TSTD2: variants seen among roughly 807,000 people sequenced by gnomAD.
TSTD2 encodes thiosulfate sulfurtransferase like domain containing 2.
In TSTD2, 37 loss-of-function variants were observed where a neutral mutation model predicts 47.9. The ratio of observed to expected loss-of-function variants is 0.77; its 90% CI spans 0.59 to 1.02. The LOEUF (loss-of-function observed/expected upper bound fraction) is 1.02. TSTD2 is among the 50% of genes least tolerant of loss of function. TSTD2 has a pLI of 0.00. For missense variants in TSTD2, 586 were observed against 616.0 expected (o/e 0.95, Z 0.52); for synonymous variants, 201 against 215.9 (o/e 0.93, Z 0.61).
rs80050726 is a variant in TSTD2, at chr9:97,628,859, G to A, written c.-50-1247C>T. Among the ~76,000 whole-genome samples the A allele has an allele frequency of 3.5e-4, 53 of 152,276 alleles. 1 individual carries two copies. In the East Asian group the frequency reaches 9.8e-3, roughly 28 times the overall value. On this transcript the variant is annotated intron_variant, in intron 1 of 9. Transcript: ENST00000341170. ...TGCAGAGACCACACACAGAGAACCAGGTGGAGAGGAACAGAGGCCTCCAGC... is the reference window on the plus strand; with the variant it reads ...TGCAGAGACCACACACAGAGAACCAAGTGGAGAGGAACAGAGGCCTCCAGC...
Position 97,626,007 on chromosome 9 carries a change from G to T in TSTD2, c.166-10C>A. ...CAAAAAGGGCAAAGGCCTGCAATTA[G>T]ATTTCAAATGCTAACACTGTTAAAT... On this transcript the variant is annotated splice_polypyrimidine_tract_variant and intron_variant, in intron 2 of 9. Coordinates refer to ENST00000341170, the MANE Select transcript of TSTD2 (RefSeq NM_139246.5). The T allele has an allele frequency of 6.2e-7, 1 of 1,600,592 alleles. No individual in the cohort carries two copies. The highest frequency in any genetic ancestry group is 1.1e-5 in the South Asian group (1 of 89,014).
rs10817858 is a variant in TSTD2 at position 97,625,837 on chromosome 9, G to T, written c.326C>A (p.Ala109Asp). 0.2 allele frequency: 329,065 copies of T among 1,613,954 alleles called. 36,185 individuals are homozygous for T. The highest frequency in any genetic ancestry group is 0.37 in the South Asian group (34,136 of 91,078). ...CACAGCCAGTTGCTTTAAAATAGAA[G>T]CTGTCTGGTGATAAATTTCATCAGC... ...QHADEIYHQT[A>D]SILKQLAVTL... Residue 109 changes from alanine (A) to aspartate (D), a missense_variant, in exon 3 of 10, where the codon GCT (alanine) becomes GAT (aspartate). Physicochemically the swap from Ala to Asp is moderately radical, Grantham distance 126. Transcript: ENST00000341170.
chr9:97,620,859 A>G (rs532658048), intron 3 of TSTD2, among the ~76,000 whole-genome samples: 39 of 152,370 alleles, frequency 2.6e-4, no homozygotes, highest in African/African-American at 9.1e-4. Flanking sequence ...GCAAAACATA[A>G]AAGTTCAAAA....
At chr9:97,608,492 C>G (rs571013924) in intron 6 of TSTD2, among the ~76,000 whole-genome samples, 127 of 151,662 alleles carry the variant, frequency 8.4e-4, no homozygotes, top group African/African-American at 3.0e-3. Context: ...AAAAATTACC[C>G]GGGTGTGGTG....
chr9:97,626,033 A>T (rs1826714807), intron 2 of TSTD2, 36 bp from the exon 3 acceptor site: 2 of 1,559,348 alleles, frequency 1.3e-6, no homozygotes, highest in Admixed American at 2.0e-5. Flanking sequence ...ACTGTTAAAT[A>T]ACCTTAGGTT....
Position 97,627,565 on chromosome 9 carries a change from G to A in TSTD2, c.-3C>T. 6.3e-7 allele frequency: 1 copy of A among 1,599,340 alleles called. No homozygotes were observed. Among genetic ancestry groups the A allele is most frequent in the African/African-American group, 1.3e-5 (1 of 74,564 alleles). On this transcript the variant is annotated 5_prime_UTR_variant, in exon 2 of 10. Coordinates refer to ENST00000341170, the MANE Select transcript of TSTD2 (RefSeq NM_139246.5). ...TCTGGTGAAGTGGAAGAAGGCATCTGGTTTGGTTGCAACAGTGAAGCAGAT... is the reference window on the plus strand; with the variant it reads ...TCTGGTGAAGTGGAAGAAGGCATCTAGTTTGGTTGCAACAGTGAAGCAGAT...
intron 1 of TSTD2, among the ~76,000 whole-genome samples, chr9:97,629,471 G>A (rs574522463): frequency 3.9e-5 from 6 of 152,220 alleles, no homozygotes; most frequent in Non-Finnish European, 8.8e-5. Context: ...TGTTATAAGG[G>A]TAAGGCAAGG....
chr9:97,617,664 T>C, intron 4 of TSTD2, 93 bp downstream of exon 4: 1 of 1,442,346 alleles, frequency 6.9e-7, no homozygotes, highest in Non-Finnish European at 9.2e-7. Context: ...AACTCAACAG[T>C]GAATCTTTTT....
chr9:97,621,261 C>T (rs1481774868), intron 3 of TSTD2, among the ~76,000 whole-genome samples: 1 of 152,200 alleles, frequency 6.6e-6, no homozygotes, highest in Admixed American at 6.5e-5. Flanking sequence ...TTTCCTATGC[C>T]TGTCTTTAAT....
intron 1 of TSTD2, among the ~76,000 whole-genome samples, chr9:97,631,615 C>T (rs1826814236): frequency 6.6e-6 from 1 of 152,184 alleles, no homozygotes; most frequent in Non-Finnish European, 1.5e-5. Flanking sequence ...TGCCTGTAAT[C>T]TCAGCACTTT....
chr9:97,600,908 A>T lies in TSTD2; in HGVS notation c.*1561T>A. ...ATATACCACAGTGCCAGTTAAACTA[A>T]TATTTTTGTTTGTTGCTTTTGGGAG... On this transcript the variant is annotated 3_prime_UTR_variant, in exon 10 of 10. Coordinates refer to ENST00000341170, the MANE Select transcript of TSTD2 (RefSeq NM_139246.5). 8.6e-7 allele frequency: 1 copy of T among 1,157,952 alleles called. No homozygotes were observed. The highest frequency in any genetic ancestry group is 1.1e-6 in the Non-Finnish European group (1 of 919,670). 71.7% of individuals were successfully genotyped at this position (1,157,952 alleles called of 1,614,324 possible). A position where few individuals can be genotyped will look rare whatever the true frequency, so the allele number is the denominator to read the frequency against.
chr9:97,617,780 G>C lies in TSTD2; in HGVS notation c.580C>G (p.Gln194Glu), dbSNP rs752090571. 1 of 1,614,028 alleles carries C rather than the reference G, an allele frequency of 6.2e-7. No individual in the cohort carries two copies. The highest frequency in any genetic ancestry group is 8.5e-7 in the Non-Finnish European group (1 of 1,179,990). Residue 194 changes from glutamine to glutamate, a missense_variant, in exon 4 of 10, where the codon CAG becomes GAG. Physicochemically the swap from Gln to Glu is conservative, Grantham distance 29. Transcript: ENST00000341170. ...WICAWQTALC[Q>E]HLHLTGKIRI... is the part of the protein sequence containing the mutation. ...ACCTTGCCTGTGAGGTGCAGGTGCT[G>C]ACACAGAGCTGTCTGCCAGGCACAG...
intron 3 of TSTD2, among the ~76,000 whole-genome samples, chr9:97,618,145 A>G (rs1826576282): frequency 6.6e-6 from 1 of 152,256 alleles, no homozygotes; most frequent in African/African-American, 2.4e-5. Flanking sequence ...AGAGACAGGT[A>G]TTAGTAACTC....
chr9:97,630,947 T>C (rs1487793148), intron 1 of TSTD2, among the ~76,000 whole-genome samples: 1 of 152,232 alleles, frequency 6.6e-6, no homozygotes, highest in Non-Finnish European at 1.5e-5. Flanking sequence ...TTACACTGTG[T>C]GTGAAGCCAG....
At chr9:97,608,232 C>A (rs143622713) in intron 6 of TSTD2, among the ~76,000 whole-genome samples, 61 of 152,244 alleles carry the variant, frequency 4.0e-4, no homozygotes, top group African/African-American at 1.4e-3. Flanking sequence ...AAGACTTCTA[C>A]CTGCAGGAAG....
chr9:97,601,744 C>T lies in TSTD2; in HGVS notation c.*725G>A. ...ATAAACTATACAGTTGACCCTTGAACAATATGGGTTTGAACTGCATGGCTG... is the reference window on the plus strand; with the variant it reads ...ATAAACTATACAGTTGACCCTTGAATAATATGGGTTTGAACTGCATGGCTG... On this transcript the variant is annotated 3_prime_UTR_variant, in exon 10 of 10. Transcript: ENST00000341170. 1 of 229,914 alleles carries T rather than the reference C, an allele frequency of 4.3e-6. No homozygotes were observed. 14.2% of individuals were successfully genotyped at this position (229,914 alleles called of 1,614,324 possible).
chr9:97,600,534 A>C lies in TSTD2; in HGVS notation c.*1935T>G. 1 of 985,918 alleles carries C rather than the reference A, an allele frequency of 1.0e-6. No homozygotes were observed. Among genetic ancestry groups the C allele is most frequent in the Non-Finnish European group, 1.2e-6 (1 of 830,310 alleles). 61.1% of individuals were successfully genotyped at this position (985,918 alleles called of 1,614,324 possible). ...TTTTGAAAACACCTTTCTATATTGC[A>C]CAGTGGGCAAATGGCTTATGTGAGG... is the stretch of plus-strand genomic sequence containing the variant. On this transcript the variant is annotated 3_prime_UTR_variant, in exon 10 of 10. Coordinates refer to ENST00000341170, the MANE Select transcript of TSTD2 (RefSeq NM_139246.5).
Position 97,600,670 on chromosome 9 carries a change from T to C in TSTD2, c.*1799A>G, listed in dbSNP as rs955524294. 4 of 991,758 alleles carry C rather than the reference T, an allele frequency of 4.0e-6. No individual in the cohort carries two copies. The highest frequency in any genetic ancestry group is 3.6e-6 in the Non-Finnish European group (3 of 833,940). 61.4% of individuals were successfully genotyped at this position (991,758 alleles called of 1,614,324 possible). ...CATCACTTATTAGACAAATTGCTGC[T>C]GACCTTACGCCTGTATATTAAGCCT... On this transcript the variant is annotated 3_prime_UTR_variant, in exon 10 of 10. Transcript: ENST00000341170.
intron 1 of TSTD2, among the ~76,000 whole-genome samples, chr9:97,629,457 G>T: frequency 6.6e-6 from 1 of 152,062 alleles, no homozygotes; most frequent in Admixed American, 6.5e-5. Context: ...CTCAAAATGA[G>T]CTTTGTTATA....
Sources: gnomAD v4.1 joint callset for allele counts (sites outside exome capture counted in the v4.1 genomes callset) on GRCh38, gnomAD v4.1.1 for gene constraint, MANE v1.5 for transcripts, NCBI Gene and HGNC (gene_info 2026-07-23, HGNC 2026-07-21) for gene names.